ST6GALNAC3: variants seen among roughly 807,000 people sequenced by gnomAD.
ST6GALNAC3 encodes ST6 N-acetylgalactosaminide alpha-2,6-sialyltransferase 3.
A neutral mutation model predicts 32.7 loss-of-function variants in ST6GALNAC3; 25 were observed. The observed-to-expected ratio is 0.76, with a 90% CI of 0.56 to 1.07. The LOEUF is 1.07. Among genes scored for constraint, ST6GALNAC3 ranks in the 50% least tolerant of loss-of-function variants. ST6GALNAC3 has a pLI of 0.00. For missense variants in ST6GALNAC3, 355 were observed against 382.4 expected, an observed-to-expected ratio of 0.93 and a Z score of 0.60; for synonymous variants, 129 against 133.1, an observed-to-expected ratio of 0.97 and a Z score of 0.21.
At chr1:76,404,427 T>C (rs1406704389) in intron 2 of ST6GALNAC3, among the ~76,000 whole-genome samples, 1 of 152,030 alleles carries the variant, frequency 6.6e-6, no homozygotes, top group African/African-American at 2.4e-5. Flanking sequence ...GAAAACAGCT[T>C]GCTTAATCAT....
chr1:76,468,318 G>A (rs528802688), intron 3 of ST6GALNAC3, among the ~76,000 whole-genome samples: 1 of 152,158 alleles, frequency 6.6e-6, no homozygotes, highest in South Asian at 2.1e-4. Context: ...TTCAGTGCCT[G>A]TGATTTAAGT....
chr1:76,549,832 T>G (rs1022130602), intron 3 of ST6GALNAC3, among the ~76,000 whole-genome samples: 1 of 152,188 alleles, frequency 6.6e-6, no homozygotes, highest in Non-Finnish European at 1.5e-5. Flanking sequence ...GAGAAGCTGT[T>G]TCAGGTTTCA....
intron 1 of ST6GALNAC3, among the ~76,000 whole-genome samples, chr1:76,302,462 G>A (rs1443655135): frequency 6.6e-6 from 1 of 151,986 alleles, no homozygotes; most frequent in South Asian, 2.1e-4. Flanking sequence ...GGGAATAGCT[G>A]TTTGGTGTTT....
chr1:76,408,488 G>C (rs1364813526), intron 2 of ST6GALNAC3, among the ~76,000 whole-genome samples: 1 of 152,088 alleles, frequency 6.6e-6, no homozygotes, highest in Non-Finnish European at 1.5e-5. Context: ...ACAAGAGGCT[G>C]TTGTTCCCAA....
chr1:76,382,898 C>A (rs1651820695), intron 2 of ST6GALNAC3, among the ~76,000 whole-genome samples: 1 of 152,164 alleles, frequency 6.6e-6, no homozygotes, highest in African/African-American at 2.4e-5. Context: ...CAACACACAA[C>A]TTCAAAAGGC....
chr1:76,209,084 T>C (rs1239148007), intron 1 of ST6GALNAC3, among the ~76,000 whole-genome samples: 1 of 152,198 alleles, frequency 6.6e-6, no homozygotes, highest in Non-Finnish European at 1.5e-5. Flanking sequence ...CCTTTTGTTA[T>C]TTGGTCCTGC....
chr1:76,177,070 G>T (rs542536979), intron 1 of ST6GALNAC3, among the ~76,000 whole-genome samples: 4 of 152,178 alleles, frequency 2.6e-5, no homozygotes, highest in African/African-American at 9.6e-5. Context: ...GTAAGACGTT[G>T]TCTATTAACA....
At chr1:76,135,991 G>A (rs1325684309) in intron 1 of ST6GALNAC3, among the ~76,000 whole-genome samples, 1 of 152,066 alleles carries the variant, frequency 6.6e-6, no homozygotes. Context: ...CTCAGGATGG[G>A]GCCCTTTTGA....
intron 2 of ST6GALNAC3, among the ~76,000 whole-genome samples, chr1:76,397,989 C>T (rs2392031): frequency 0.35 from 53,326 of 151,844 alleles, 10,120 homozygotes; most frequent in Middle Eastern, 0.44. Flanking sequence ...TTCCCTTCAC[C>T]CTGCCTCTGG....
intron 1 of ST6GALNAC3, among the ~76,000 whole-genome samples, chr1:76,255,030 C>T (rs1440380863): frequency 6.8e-6 from 1 of 146,334 alleles, no homozygotes. Context: ...CTCTCTCTCT[C>T]TTTTTTTTTT....
At chr1:76,096,977 G>A (rs2100764132) in intron 1 of ST6GALNAC3, among the ~76,000 whole-genome samples, 1 of 149,056 alleles carries the variant, frequency 6.7e-6, no homozygotes, top group South Asian at 2.1e-4. Flanking sequence ...GGAGCACAGT[G>A]GCGTGATCTC....
chr1:76,441,517 T>G (rs1226808384), intron 3 of ST6GALNAC3, among the ~76,000 whole-genome samples: 1 of 152,172 alleles, frequency 6.6e-6, no homozygotes, highest in Non-Finnish European at 1.5e-5. Context: ...TGTACATATT[T>G]ATGGGGTACA....
At chr1:76,179,876 C>T (rs940360024) in intron 1 of ST6GALNAC3, among the ~76,000 whole-genome samples, 1 of 152,086 alleles carries the variant, frequency 6.6e-6, no homozygotes, top group Non-Finnish European at 1.5e-5. Context: ...TTGTATGGTT[C>T]CCTCACTTTT....
chr1:76,401,855 G>T (rs906914858), intron 2 of ST6GALNAC3, among the ~76,000 whole-genome samples: 4 of 152,116 alleles, frequency 2.6e-5, no homozygotes, highest in Admixed American at 6.5e-5. Flanking sequence ...TTGGGCTCTG[G>T]ATTCTGATTT....
intron 3 of ST6GALNAC3, among the ~76,000 whole-genome samples, chr1:76,440,173 A>T (rs1571233621): frequency 6.6e-6 from 1 of 152,248 alleles, no homozygotes; most frequent in African/African-American, 2.4e-5. Flanking sequence ...AAAGAGACGA[A>T]GCATGGAAGT....
chr1:76,330,063 A>G (rs1165988815), intron 2 of ST6GALNAC3, among the ~76,000 whole-genome samples: 2 of 152,090 alleles, frequency 1.3e-5, no homozygotes, highest in African/African-American at 2.4e-5. Flanking sequence ...CCTGCCTCCC[A>G]AAGTGTTGGG....
intron 1 of ST6GALNAC3, among the ~76,000 whole-genome samples, chr1:76,266,216 A>G (rs1034256054): frequency 2.6e-5 from 4 of 152,182 alleles, no homozygotes; most frequent in African/African-American, 9.7e-5. Context: ...CACAGTGATA[A>G]ACGAGGTAGA....
At chr1:76,436,954 T>C (rs1057164027) in intron 3 of ST6GALNAC3, among the ~76,000 whole-genome samples, 16 of 152,134 alleles carry the variant, frequency 1.1e-4, no homozygotes. Context: ...GTTTTCAATC[T>C]CCAATCCAGG....
chr1:76,440,458 A>G (rs905308013), intron 3 of ST6GALNAC3, among the ~76,000 whole-genome samples: 1 of 152,254 alleles, frequency 6.6e-6, no homozygotes, highest in African/African-American at 2.4e-5. Context: ...CATGCTGTCC[A>G]TGTCGATGAC....
Sources: gnomAD v4.1 joint callset for allele counts (sites outside exome capture counted in the v4.1 genomes callset) on GRCh38, gnomAD v4.1.1 for gene constraint, MANE v1.5 for transcripts, NCBI Gene and HGNC (gene_info 2026-07-23, HGNC 2026-07-21) for gene names.